IGF2R: variants seen among roughly 807,000 people sequenced by gnomAD.
The protein encoded by IGF2R is insulin like growth factor 2 receptor.
A neutral mutation model predicts 270.6 loss-of-function variants in IGF2R; 91 were observed. The observed-to-expected ratio is 0.34, with a 90% confidence interval of 0.28 to 0.40. IGF2R has a LOEUF of 0.40. Ranked by LOEUF, IGF2R falls within the 10% of genes least tolerant of loss-of-function variation. The pLI is 1.00. For synonymous variants in IGF2R, 1,316 were observed against 1,258.9 expected, an observed-to-expected ratio of 1.05 and a Z score of -0.96; for missense variants, 2,805 against 3,188.3, an observed-to-expected ratio of 0.88 and a Z score of 2.90.
chr6:160,095,827 T>A (rs1487428576), intron 44 of IGF2R: 1 of 152,542 alleles, frequency 6.6e-6, no homozygotes, highest in African/African-American at 2.4e-5. Context: ...GCTTGTTTCC[T>A]TGCTTTGGAA....
At chr6:159,970,342 CCT>C (rs1221056309) in intron 1 of IGF2R, among the ~76,000 whole-genome samples, 3 of 152,024 alleles carry the variant, frequency 2.0e-5, no homozygotes, top group African/African-American at 7.3e-5. Flanking sequence ...ACAGTTTCTC[CCT>C]GTTACTGTTA....
chr6:160,023,930 G>A (rs1748299455), intron 4 of IGF2R, among the ~76,000 whole-genome samples: 1 of 152,176 alleles, frequency 6.6e-6, no homozygotes. Flanking sequence ...CTGAAAAAGA[G>A]CTGGAAGTGG....
intron 1 of IGF2R, among the ~76,000 whole-genome samples, chr6:159,978,507 G>C (rs570490046): frequency 6.8e-4 from 103 of 152,180 alleles, no homozygotes; most frequent in African/African-American, 2.5e-3. Flanking sequence ...TCTGCACATG[G>C]TCAAGGGGGT....
At chr6:160,028,734 A>G (rs1344144095) in intron 6 of IGF2R, among the ~76,000 whole-genome samples, 1 of 152,076 alleles carries the variant, frequency 6.6e-6, no homozygotes, top group Non-Finnish European at 1.5e-5. Flanking sequence ...TTAAGACAAA[A>G]CAAAACTTTT....
At chr6:160,048,300 CAA>C in intron 17 of IGF2R, 73 bp from the exon 18 acceptor site, 2 of 1,403,402 alleles carry the variant, frequency 1.4e-6, no homozygotes, top group East Asian at 4.6e-5. Context: ...TTTACTTCCC[CAA>C]CTACATAGAA....
At chr6:159,986,436 T>G (rs2880474) in intron 1 of IGF2R, among the ~76,000 whole-genome samples, 189 of 109,878 alleles carry the variant, frequency 1.7e-3, no homozygotes, top group East Asian at 7.7e-3. Flanking sequence ...GTGTGTTTTT[T>G]TTTTTTTTTT....
chr6:160,100,999 C>T (rs754654186), intron 45 of IGF2R, among the ~76,000 whole-genome samples: 19 of 150,798 alleles, frequency 1.3e-4, no homozygotes, highest in Non-Finnish European at 2.2e-4. Context: ...ACCATGTTGG[C>T]CAGGCTGGTC....
chr6:160,092,662 G>A (rs1190022929), intron 44 of IGF2R, among the ~76,000 whole-genome samples: 2 of 152,162 alleles, frequency 1.3e-5, no homozygotes, highest in African/African-American at 2.4e-5. Context: ...GCTGCTGGGC[G>A]GTTTGCTTCC....
At chr6:159,972,807 T>C (rs1783630684) in intron 1 of IGF2R, among the ~76,000 whole-genome samples, 1 of 152,188 alleles carries the variant, frequency 6.6e-6, no homozygotes, top group South Asian at 2.1e-4. Flanking sequence ...GCCCTCTGAG[T>C]TGTGCATTGA....
chr6:160,065,814 GTATATATA>G (rs59035193), intron 29 of IGF2R, among the ~76,000 whole-genome samples: 1,051 of 78,380 alleles, frequency 0.013, 14 homozygotes, highest in African/African-American at 0.022. Context: ...GTGTGTGTGT[GTATATATA>G]TATATATATA....
chr6:160,072,382 A>G (rs1330316536), intron 32 of IGF2R, among the ~76,000 whole-genome samples: 2 of 152,142 alleles, frequency 1.3e-5, no homozygotes, highest in Non-Finnish European at 2.9e-5. Context: ...TTTCAGCATC[A>G]GTGTAGTGGA....
At chr6:159,997,355 G>A (rs888453642) in intron 2 of IGF2R, among the ~76,000 whole-genome samples, 4 of 152,126 alleles carry the variant, frequency 2.6e-5, no homozygotes, top group Non-Finnish European at 4.4e-5. Flanking sequence ...CTGGTGATAC[G>A]GAGACATCAG....
In IGF2R at chr6:160,102,714, C is replaced by G; in HGVS notation, c.6995+43C>G. 3 of 1,539,716 alleles carry G rather than the reference C, an allele frequency of 1.9e-6. No individual in the cohort carries two copies. Among genetic ancestry groups the G allele is most frequent in the Non-Finnish European group, 2.6e-6 (3 of 1,134,006 alleles). On this transcript the variant is annotated intron_variant, in intron 46 of 47. Coordinates refer to ENST00000356956, the MANE Select transcript of IGF2R (RefSeq NM_000876.4). This position sits in a 1 kb window ranked among gnomAD's most constrained non-coding sequence, Gnocchi z 4.5. ...CGAGGTGGGGCGGGTGGATGCATGCCTCCCATAGCTAATCTTGGGGTCAGT... is the reference window on the plus strand; with the variant it reads ...CGAGGTGGGGCGGGTGGATGCATGCGTCCCATAGCTAATCTTGGGGTCAGT...
Position 160,079,806 on chromosome 6 carries a change from G to T in IGF2R, c.5686+19G>T, listed in dbSNP as rs200162242. On this transcript the variant is annotated intron_variant, in intron 38 of 47. Coordinates refer to ENST00000356956, the MANE Select transcript of IGF2R (RefSeq NM_000876.4). ...CCTCCAGGTAAATATTTGCAATGAGGTAAATAAACTTCAAGCTCATAGTAA... is the reference window on the plus strand; with the variant it reads ...CCTCCAGGTAAATATTTGCAATGAGTTAAATAAACTTCAAGCTCATAGTAA... 434 of 1,449,508 alleles carry T rather than the reference G, an allele frequency of 3.0e-4. No individual in the cohort carries two copies. Among genetic ancestry groups the T allele is most frequent in the Non-Finnish European group, 3.8e-4 (411 of 1,094,134 alleles). 89.8% of individuals were successfully genotyped at this position (1,449,508 alleles called of 1,614,324 possible).
chr6:160,097,558 C>G (rs1040674304), intron 45 of IGF2R, among the ~76,000 whole-genome samples: 2 of 152,150 alleles, frequency 1.3e-5, no homozygotes, highest in South Asian at 2.1e-4. Flanking sequence ...TTGAACTCCT[C>G]ACCTCAGATA....
intron 7 of IGF2R, among the ~76,000 whole-genome samples, chr6:160,032,145 G>A (rs1200885274): frequency 6.6e-6 from 1 of 152,176 alleles, no homozygotes; most frequent in Non-Finnish European, 1.5e-5. Context: ...TGAGCACCTC[G>A]TGGAAAGCGG....
At chr6:160,026,658 C>T (rs1029586582) in intron 5 of IGF2R, among the ~76,000 whole-genome samples, 12 of 152,190 alleles carry the variant, frequency 7.9e-5, no homozygotes, top group Admixed American at 4.6e-4. Flanking sequence ...GTAAAGCCTG[C>T]GGGATGTTCT....
In IGF2R at chr6:160,096,535, T is replaced by C. The variant is rs1193704481; in HGVS notation, c.6752T>C (p.Leu2251Pro). The change falls in exon 45 of 48, where the codon CTG becomes CCG. Residue 2251 changes from leucine to proline, a missense_variant. Transcript: ENST00000356956. ...ACCATCTTCTTCCACTGTGACCCTC[T>C]GGTGGAGGACGGGATCCCCGAGTTC... ...SSTIFFHCDP[L>P]VEDGIPEFSH... 1 of 1,614,102 alleles carries C rather than the reference T, an allele frequency of 6.2e-7. No homozygotes were observed. The highest frequency in any genetic ancestry group is 8.5e-7 in the Non-Finnish European group (1 of 1,179,972).
chr6:159,992,181 G>A (rs538939826), intron 2 of IGF2R, among the ~76,000 whole-genome samples: 1 of 152,312 alleles, frequency 6.6e-6, no homozygotes, highest in Non-Finnish European at 1.5e-5. Flanking sequence ...TTGGATTTGG[G>A]AGAGAAGCTT....
Sources: gnomAD v4.1 joint callset for allele counts (sites outside exome capture counted in the v4.1 genomes callset) on GRCh38, gnomAD v4.1.1 for gene constraint, Gnocchi (gnomAD v3.1) non-coding constraint, MANE v1.5 for transcripts, NCBI Gene and HGNC (gene_info 2026-07-23, HGNC 2026-07-21) for gene names.